The following PARD6G variants were observed in gnomAD, a reference collection of about 807,000 sequenced individuals.
The protein encoded by PARD6G is par-6 family cell polarity regulator gamma.
A neutral mutation model predicts 10.7 loss-of-function variants in PARD6G; 7 were observed. That is an observed-to-expected ratio of 0.66 (90% confidence interval 0.37 to 1.23). The LOEUF (loss-of-function observed/expected upper bound fraction) is 1.23. PARD6G is among the 50% of genes most tolerant of loss of function. The pLI is 0.02. For synonymous variants in PARD6G, 287 were observed against 269.4 expected (o/e 1.07, Z -0.64); for missense variants, 548 against 571.8 (o/e 0.96, Z 0.42).
At position 80,161,475 on chromosome 18, in the gene PARD6G, A is replaced by T. The variant is rs1356522431; in HGVS notation, c.296-869T>A. 6.6e-6 allele frequency among the ~76,000 whole-genome samples: 1 copy of T among 152,216 alleles called. No homozygotes were observed. The highest frequency in any genetic ancestry group is 1.5e-5 in the Non-Finnish European group (1 of 68,046). On this transcript the variant is annotated intron_variant, in intron 2 of 2. Coordinates refer to ENST00000353265, the MANE Select transcript of PARD6G (RefSeq NM_032510.4). This position sits in a 1 kb window ranked among gnomAD's most constrained non-coding sequence, Gnocchi z 4.6. The stretch of plus-strand genomic sequence containing the variant: ...TGAAAGTCCACTGAATTAATCAAGC[A>T]GAAACGTAAGGAGCTTAGTCTAAAG...
At chr18:80,212,681 C>T (rs1202611703) in intron 1 of PARD6G, among the ~76,000 whole-genome samples, 6 of 152,012 alleles carry the variant, frequency 3.9e-5, no homozygotes, top group South Asian at 2.1e-4. Context: ...GTCAGGAGAT[C>T]GAGACTAGCC....
In PARD6G at chr18:80,246,884, G is replaced by GC. The variant is rs974043792; in HGVS notation, c.72+392dup. On this transcript the variant is annotated intron_variant, in intron 1 of 2. Transcript: ENST00000353265. The surrounding 1 kb of genome is among the most constrained non-coding windows in gnomAD (Gnocchi z 6.7). ...CCATCCCACGGCCCGGGCCCCCAGAGCCCCCCCACGGCCCCGAATCCGAGC... is the reference window on the plus strand; with the variant it reads ...CCATCCCACGGCCCGGGCCCCCAGAGCCCCCCCCACGGCCCCGAATCCGAGC... 2.8e-4 allele frequency among the ~76,000 whole-genome samples: 42 copies of GC among 151,916 alleles called. No individual in the cohort carries two copies. Among genetic ancestry groups the GC allele is most frequent in the Admixed American group, 2.5e-3 (38 of 15,298 alleles).
intron 1 of PARD6G, among the ~76,000 whole-genome samples, chr18:80,204,401 C>G (rs1194908239): frequency 6.6e-6 from 1 of 152,058 alleles, no homozygotes; most frequent in African/African-American, 2.4e-5. Context: ...CCTGAAAGAG[C>G]TGATGCTATT....
intron 1 of PARD6G, among the ~76,000 whole-genome samples, chr18:80,207,884 C>A (rs1036227379): frequency 2.0e-5 from 3 of 152,074 alleles, no homozygotes; most frequent in Admixed American, 6.5e-5. Flanking sequence ...GGACAAAAAT[C>A]TCTTGAGGGA....
rs1012141990 is a variant in PARD6G, at chr18:80,247,040, C to G, written c.72+237G>C. Among the ~76,000 whole-genome samples the G allele has an allele frequency of 8.5e-5, 13 of 152,296 alleles. No homozygotes were observed. Among genetic ancestry groups the G allele is most frequent in the African/African-American group, 2.9e-4 (12 of 41,578 alleles). ...CGGGTCCAGAGTCTGCCCGGACTGT[C>G]CGATGGCCCTCGGCCCTCTGAGCGC... On this transcript the variant is annotated intron_variant, in intron 1 of 2. Transcript: ENST00000353265. The surrounding 1 kb of genome is among the most constrained non-coding windows in gnomAD (Gnocchi z 4.2).
intron 1 of PARD6G, among the ~76,000 whole-genome samples, chr18:80,218,542 G>A (rs902748680): frequency 6.6e-6 from 1 of 152,134 alleles, no homozygotes; most frequent in East Asian, 1.9e-4. Flanking sequence ...TGTCAGGTAC[G>A]GCTCCCCTCC....
intron 1 of PARD6G, among the ~76,000 whole-genome samples, chr18:80,204,346 T>C (rs1967036201): frequency 6.6e-6 from 1 of 152,260 alleles, no homozygotes; most frequent in Non-Finnish European, 1.5e-5. Flanking sequence ...GTTCTGGATT[T>C]GACTGTGCTG....
intron 2 of PARD6G, among the ~76,000 whole-genome samples, chr18:80,177,652 A>C (rs1455341717): frequency 6.6e-6 from 1 of 151,194 alleles, no homozygotes; most frequent in Non-Finnish European, 1.5e-5. Flanking sequence ...AAGCACACAC[A>C]TGCATGCATG....
chr18:80,174,223 C>T (rs145468913), intron 2 of PARD6G, among the ~76,000 whole-genome samples: 2 of 152,316 alleles, frequency 1.3e-5, no homozygotes, highest in African/African-American at 2.4e-5. Flanking sequence ...CAAGGGCTGA[C>T]GTGGAGGCTG....
intron 2 of PARD6G, among the ~76,000 whole-genome samples, chr18:80,198,441 A>G (rs546909903): frequency 6.6e-5 from 10 of 152,370 alleles, no homozygotes; most frequent in South Asian, 4.1e-4. Flanking sequence ...GTTGTTTTTA[A>G]ATAATGATTA....
chr18:80,209,582 A>T (rs1452678162), intron 1 of PARD6G, among the ~76,000 whole-genome samples: 3 of 152,358 alleles, frequency 2.0e-5, no homozygotes, highest in South Asian at 2.1e-4. Context: ...AGGCCAAGGC[A>T]GGTGGATCGT....
Position 80,189,859 on chromosome 18 carries a change from A to C in PARD6G, c.295+12851T>G, listed in dbSNP as rs563361863. 6.6e-6 allele frequency among the ~76,000 whole-genome samples: 1 copy of C among 152,316 alleles called. No homozygotes were observed. Among genetic ancestry groups the C allele is most frequent in the East Asian group, 1.9e-4 (1 of 5,176 alleles). On this transcript the variant is annotated intron_variant, in intron 2 of 2. Transcript: ENST00000353265. The surrounding 1 kb of genome is among the most constrained non-coding windows in gnomAD (Gnocchi z 5.5). ...AATACTGCTGTCAGAAGAATTTTTAAACAGCTGGTTTGAAATACCATGTAG... is the reference window on the plus strand; with the variant it reads ...AATACTGCTGTCAGAAGAATTTTTACACAGCTGGTTTGAAATACCATGTAG...
rs1967319401 is a variant in PARD6G, at chr18:80,228,348, G to A, written c.72+18929C>T. ...GGGAGTTCCCGGACACACGGTCCTG[G>A]AGAACACAGGCCACATGCACAAGGC... On this transcript the variant is annotated intron_variant, in intron 1 of 2. Transcript: ENST00000353265. This position sits in a 1 kb window ranked among gnomAD's most constrained non-coding sequence, Gnocchi z 4.6. Among the ~76,000 whole-genome samples, 1 of 152,120 alleles carries A rather than the reference G, an allele frequency of 6.6e-6. No homozygotes were observed. Among genetic ancestry groups the A allele is most frequent in the Non-Finnish European group, 1.5e-5 (1 of 67,994 alleles).
chr18:80,176,969 GCACA>G (rs1387087750), intron 2 of PARD6G, among the ~76,000 whole-genome samples: 3 of 142,400 alleles, frequency 2.1e-5, no homozygotes, highest in East Asian at 2.2e-4. Context: ...ACAGGCATGT[GCACA>G]CACACACAGG....
chr18:80,233,289 A>C (rs1967380125), intron 1 of PARD6G, among the ~76,000 whole-genome samples: 1 of 151,930 alleles, frequency 6.6e-6, no homozygotes, highest in Non-Finnish European at 1.5e-5. Flanking sequence ...AGCATCAATC[A>C]CTCATGTGCC....
chr18:80,236,986 T>C (rs1252404108), intron 1 of PARD6G, among the ~76,000 whole-genome samples: 1 of 152,124 alleles, frequency 6.6e-6, no homozygotes, highest in African/African-American at 2.4e-5. Context: ...CTGCACAGAA[T>C]TGGAAAAAAC....
chr18:80,164,052 C>T (rs2052718839), intron 2 of PARD6G, among the ~76,000 whole-genome samples: 1 of 152,160 alleles, frequency 6.6e-6, no homozygotes, highest in South Asian at 2.1e-4. Flanking sequence ...CAAAAGTCTG[C>T]TCTGTCTGTA....
chr18:80,244,213 G>A (rs546576690), intron 1 of PARD6G, among the ~76,000 whole-genome samples: 4 of 152,170 alleles, frequency 2.6e-5, no homozygotes, highest in African/African-American at 4.8e-5. Context: ...CCCTCCCCAC[G>A]GCAGGTCCTG....
Position 80,191,499 on chromosome 18 carries a change from C to T in PARD6G, c.295+11211G>A, listed in dbSNP as rs534843062. ...CACCACCAGGAGCCCCCATGTGTGT[C>T]CCTGGGCAATGAGATGGAGAGACAT... is the stretch of plus-strand genomic sequence containing the variant. On this transcript the variant is annotated intron_variant, in intron 2 of 2. Transcript: ENST00000353265. 4.6e-5 allele frequency among the ~76,000 whole-genome samples: 7 copies of T among 152,292 alleles called. No individual in the cohort carries two copies. The South Asian group carries it at 1.2e-3, about 27-fold the overall frequency.
Sources: gnomAD v4.1 joint callset for allele counts (sites outside exome capture counted in the v4.1 genomes callset) on GRCh38, gnomAD v4.1.1 for gene constraint, Gnocchi (gnomAD v3.1) non-coding constraint, MANE v1.5 for transcripts, NCBI Gene and HGNC (gene_info 2026-07-23, HGNC 2026-07-21) for gene names.